PPFIA2: variants seen among roughly 807,000 people sequenced by gnomAD.
PPFIA2 encodes the protein PPFI scaffold protein A2, also known as liprin-alpha-2.
A neutral mutation model predicts 175.5 loss-of-function variants in PPFIA2; 46 were observed. That is an observed-to-expected ratio of 0.26 (90% CI 0.21 to 0.34). The LOEUF (loss-of-function observed/expected upper bound fraction) is 0.34. Among genes scored for constraint, PPFIA2 ranks in the 10% least tolerant of loss-of-function variants. The pLI is 1.00. For missense variants in PPFIA2, 1,179 were observed against 1,506.1 expected, an observed-to-expected ratio of 0.78 and a Z score of 3.60; for synonymous variants, 568 against 511.4, an observed-to-expected ratio of 1.11 and a Z score of -1.49.
intron 4 of PPFIA2, among the ~76,000 whole-genome samples, chr12:81,594,327 A>T (rs2059012873): frequency 6.6e-6 from 1 of 152,142 alleles, no homozygotes; most frequent in Non-Finnish European, 1.5e-5. Flanking sequence ...TTCAGTAGGT[A>T]TGAAGAGTTA....
At chr12:81,486,974 A>C (rs934842218) in intron 4 of PPFIA2, among the ~76,000 whole-genome samples, 1 of 151,880 alleles carries the variant, frequency 6.6e-6, no homozygotes, top group Admixed American at 6.6e-5. Flanking sequence ...TTGGTACCAG[A>C]TTTCTTTTAA....
At chr12:81,300,055 T>G (rs2047435111) in intron 22 of PPFIA2, among the ~76,000 whole-genome samples, 1 of 152,198 alleles carries the variant, frequency 6.6e-6, no homozygotes. Context: ...TAAAATATCT[T>G]AATAACAACA....
chr12:81,311,577 C>T (rs1475529399), intron 22 of PPFIA2, among the ~76,000 whole-genome samples: 1 of 151,466 alleles, frequency 6.6e-6, no homozygotes, highest in Non-Finnish European at 1.5e-5. Context: ...ACCAAAAATA[C>T]AAAAAATTAG....
At chr12:81,700,123 C>T (rs2076329939) in intron 3 of PPFIA2, among the ~76,000 whole-genome samples, 1 of 151,974 alleles carries the variant, frequency 6.6e-6, no homozygotes, top group African/African-American at 2.4e-5. Context: ...TGGTGGTGTT[C>T]TTCAGTTTAA....
Position 81,753,846 on chromosome 12 carries a change from G to A in PPFIA2, c.249+127C>T, listed in dbSNP as rs190875384. 7.5e-6 allele frequency: 9 copies of A among 1,194,716 alleles called. No homozygotes were observed. In the Admixed American group the frequency reaches 1.0e-4, roughly 14 times the overall value. The allele number at this position is 1,194,716 out of a possible 1,614,324, so 74.0% of individuals were successfully genotyped here. A position where few individuals can be genotyped will look rare whatever the true frequency, so the allele number is the denominator to read the frequency against. On this transcript the variant is annotated intron_variant, in intron 3 of 32. Transcript: ENST00000549396. ...AAGTGAACTAATCATCTATTCCTAA[G>A]TTGTTCTCACCAAAACGTGTGTATC...
chr12:81,622,099 T>G (rs2062109054), intron 4 of PPFIA2, among the ~76,000 whole-genome samples: 1 of 152,178 alleles, frequency 6.6e-6, no homozygotes, highest in Non-Finnish European at 1.5e-5. Context: ...AGCAGCCCTC[T>G]TTTAGGCTCC....
At chr12:81,524,862 G>T (rs1387598732) in intron 4 of PPFIA2, among the ~76,000 whole-genome samples, 1 of 152,172 alleles carries the variant, frequency 6.6e-6, no homozygotes, top group Admixed American at 6.5e-5. Context: ...TTTGTGAGGT[G>T]ATGAGCTGAT....
intron 17 of PPFIA2, among the ~76,000 whole-genome samples, chr12:81,349,284 C>A (rs984553186): frequency 6.6e-6 from 1 of 152,092 alleles, no homozygotes; most frequent in Non-Finnish European, 1.5e-5. Flanking sequence ...TTTTAATAGG[C>A]TGTTTAAAAA....
intron 3 of PPFIA2, among the ~76,000 whole-genome samples, chr12:81,724,392 G>C (rs963434129): frequency 3.3e-5 from 5 of 150,750 alleles, no homozygotes; most frequent in Non-Finnish European, 7.4e-5. Flanking sequence ...ATTGTTTCAT[G>C]GTGAAGTCTG....
intron 30 of PPFIA2, among the ~76,000 whole-genome samples, chr12:81,263,737 G>T (rs182136720): frequency 6.6e-6 from 1 of 152,288 alleles, no homozygotes; most frequent in East Asian, 1.9e-4. Context: ...TATGGAAAGA[G>T]ATGATATACT....
intron 4 of PPFIA2, among the ~76,000 whole-genome samples, chr12:81,620,560 G>A (rs575670442): frequency 2.6e-5 from 4 of 152,274 alleles, no homozygotes; most frequent in Non-Finnish European, 4.4e-5. Flanking sequence ...AATGCCTAAC[G>A]AACCGTATGA....
intron 4 of PPFIA2, among the ~76,000 whole-genome samples, chr12:81,560,457 A>C (rs2069815153): frequency 6.6e-6 from 1 of 152,176 alleles, no homozygotes; most frequent in African/African-American, 2.4e-5. Flanking sequence ...TAGCAGAGTC[A>C]TATGTGTTTT....
At chr12:81,618,950 T>G (rs527276072) in intron 4 of PPFIA2, among the ~76,000 whole-genome samples, 3 of 151,822 alleles carry the variant, frequency 2.0e-5, no homozygotes, top group African/African-American at 7.2e-5. Flanking sequence ...TATTAAGCAT[T>G]GGAATACAAT....
At chr12:81,538,109 T>A (rs929472082) in intron 4 of PPFIA2, among the ~76,000 whole-genome samples, 1 of 151,906 alleles carries the variant, frequency 6.6e-6, no homozygotes. Context: ...TAGGCTGTAA[T>A]GTTAGAAAGT....
At chr12:81,628,878 C>T (rs1180234755) in intron 4 of PPFIA2, among the ~76,000 whole-genome samples, 2 of 152,090 alleles carry the variant, frequency 1.3e-5, no homozygotes, top group African/African-American at 4.8e-5. Flanking sequence ...CTTTTTAGAG[C>T]AAAGGGATCC....
intron 3 of PPFIA2, among the ~76,000 whole-genome samples, chr12:81,679,349 T>C (rs2073167277): frequency 6.6e-6 from 1 of 152,032 alleles, no homozygotes; most frequent in South Asian, 2.1e-4. Flanking sequence ...GTTATATTAA[T>C]GATATAAATT....
At chr12:81,296,224 C>T (rs1400363370) in intron 23 of PPFIA2, among the ~76,000 whole-genome samples, 2 of 152,090 alleles carry the variant, frequency 1.3e-5, no homozygotes, top group East Asian at 3.9e-4. Context: ...GAGGCTGAGG[C>T]ACGAGAATTG....
chr12:81,447,236 T>G (rs916608305), intron 5 of PPFIA2, among the ~76,000 whole-genome samples: 1 of 152,186 alleles, frequency 6.6e-6, no homozygotes, highest in Non-Finnish European at 1.5e-5. Context: ...ATTATGGTAT[T>G]CTATTCTCTC....
Position 81,433,582 on chromosome 12 carries a change from A to G in PPFIA2, c.645+6390T>C, listed in dbSNP as rs541588604. ...TGGTAGAGATTAATTAATTAAATTG[A>G]AAGACGAAACAACTTGTTCATTTGA... On this transcript the variant is annotated intron_variant, in intron 7 of 32. Coordinates refer to ENST00000549396, the MANE Select transcript of PPFIA2 (RefSeq NM_003625.5). Among the ~76,000 whole-genome samples, 3 of 152,320 alleles carry G rather than the reference A, an allele frequency of 2.0e-5. No individual in the cohort carries two copies. The East Asian group carries it at 5.8e-4, about 29-fold the overall frequency.
Sources: allele counts gnomAD v4.1 joint callset (sites outside exome capture counted in the v4.1 genomes callset), GRCh38; gene constraint gnomAD v4.1.1; transcripts MANE v1.5; gene names NCBI Gene and HGNC (gene_info 2026-07-23, HGNC 2026-07-21).